MS4A8: variants seen among roughly 807,000 people sequenced by gnomAD.
MS4A8 encodes the protein membrane spanning 4-domains A8.
MS4A8 carries 27 observed loss-of-function variants against 23.7 expected under a neutral mutation model. The observed-to-expected ratio is 1.14, with a 90% CI of 0.84 to 1.57. The LOEUF is 1.57. Among genes scored for constraint, MS4A8 ranks in the 40% most tolerant of loss-of-function variants. MS4A8 has a pLI of 0.00. For missense variants in MS4A8, 301 were observed against 311.4 expected, an observed-to-expected ratio of 0.97 and a Z score of 0.25; for synonymous variants, 138 against 126.3, an observed-to-expected ratio of 1.09 and a Z score of -0.62.
chr11:60,703,154 A>G (rs770018743), intron 2 of MS4A8: 10 of 384,858 alleles, frequency 2.6e-5, no homozygotes, highest in Admixed American at 5.0e-5. Flanking sequence ...TGTGCTATCA[A>G]GGTATATATT....
intron 5 of MS4A8, among the ~76,000 whole-genome samples, chr11:60,713,201 C>T (rs146512059): frequency 1.0e-5 from 1 of 99,674 alleles, no homozygotes; most frequent in East Asian, 2.9e-4. Flanking sequence ...GGGTGGGTTG[C>T]CCCTTCACAC....
intron 3 of MS4A8, among the ~76,000 whole-genome samples, chr11:60,706,530 A>C (rs1590953570): frequency 6.6e-6 from 1 of 152,176 alleles, no homozygotes; most frequent in South Asian, 2.1e-4. Flanking sequence ...CCCAAACCTA[A>C]CTGAATCTTG....
intron 4 of MS4A8, among the ~76,000 whole-genome samples, chr11:60,707,964 G>A (rs1167213160): frequency 6.6e-6 from 1 of 151,374 alleles, no homozygotes; most frequent in Non-Finnish European, 1.5e-5. Flanking sequence ...CTAGTAGCTG[G>A]GATTACAGGT....
intron 2 of MS4A8, chr11:60,701,311 AC>A (rs2134652642): frequency 3.1e-6 from 2 of 646,456 alleles, no homozygotes; most frequent in East Asian, 3.1e-5. Context: ...AAGAAAAGCA[AC>A]AAAAAAGCAG....
intron 4 of MS4A8, among the ~76,000 whole-genome samples, chr11:60,707,519 A>G (rs1565052526): frequency 6.6e-6 from 1 of 152,200 alleles, no homozygotes; most frequent in East Asian, 1.9e-4. Context: ...GATAATCAAC[A>G]TGGACAAAGC....
At chr11:60,709,564 A>G (rs960582974) in intron 5 of MS4A8, among the ~76,000 whole-genome samples, 18 of 152,256 alleles carry the variant, frequency 1.2e-4, no homozygotes, top group African/African-American at 4.3e-4. Context: ...GCTATGGCAC[A>G]TCTCGATTTG....
rs780966264 is a variant in MS4A8 at position 60,707,018 on chromosome 11, G to A, written c.373G>A (p.Ala125Thr). The change falls in exon 4 of 7, where the codon GCA (alanine) becomes ACA (threonine). Residue 125 changes from alanine (A) to threonine (T), a missense_variant. Ala to Thr is a moderately conservative substitution (Grantham distance 58, BLOSUM62 0). Transcript: ENST00000300226. ...FIISGSLSVA[A>T]ENQPYSYCLL... ...CATTTCAGGATCTCTCTCCGTGGCAGCAGAAAATCAGCCATATTCTTATTG... is the reference window on the plus strand; with the variant it reads ...CATTTCAGGATCTCTCTCCGTGGCAACAGAAAATCAGCCATATTCTTATTG... The A allele has an allele frequency of 6.2e-7, 1 of 1,614,088 alleles. No homozygotes were observed. The highest frequency in any genetic ancestry group is 8.5e-7 in the Non-Finnish European group (1 of 1,179,980).
chr11:60,708,916 A>G lies in MS4A8; in HGVS notation c.534+135A>G, dbSNP rs2088279878. On this transcript the variant is annotated intron_variant, in intron 5 of 6. Coordinates refer to ENST00000300226, the MANE Select transcript of MS4A8 (RefSeq NM_031457.2). The stretch of plus-strand genomic sequence containing the variant: ...AGGAGGTGCTTTCAGCATAGGAACA[A>G]ATTTTAAAGTCCTTGACCCATAGCT... 5.6e-6 allele frequency: 6 copies of G among 1,076,394 alleles called. No homozygotes were observed. In the East Asian group the frequency reaches 1.5e-4, roughly 27 times the overall value. 66.7% of individuals were successfully genotyped at this position (1,076,394 alleles called of 1,614,324 possible).
At chr11:60,706,318 G>T (rs915946443) in intron 3 of MS4A8, among the ~76,000 whole-genome samples, 2 of 152,096 alleles carry the variant, frequency 1.3e-5, no homozygotes, top group Non-Finnish European at 2.9e-5. Context: ...CAGTGCCTGC[G>T]GAATACCATG....
chr11:60,701,306 A>G (rs1306507598), intron 2 of MS4A8: 1 of 653,346 alleles, frequency 1.5e-6, no homozygotes. Context: ...AGAGAAAGAA[A>G]AGCAACAAAA....
intron 2 of MS4A8, 131 bp from the exon 3 acceptor site, chr11:60,703,247 T>G: frequency 8.9e-7 from 1 of 1,129,058 alleles, no homozygotes; most frequent in Non-Finnish European, 1.2e-6. Context: ...AGTTTTTATT[T>G]CATTTTTGTA....
At chr11:60,707,924 G>A (rs2088270686) in intron 4 of MS4A8, among the ~76,000 whole-genome samples, 1 of 150,374 alleles carries the variant, frequency 6.7e-6, no homozygotes, top group Non-Finnish European at 1.5e-5. Context: ...CTGCCTCCTG[G>A]GTTCAAGCAA....
rs2088260685 is a variant in MS4A8 at position 60,706,977 on chromosome 11, T to G, written c.343-11T>G. On this transcript the variant is annotated splice_polypyrimidine_tract_variant and intron_variant, in intron 3 of 6. Transcript: ENST00000300226. Reference sequence around the variant, plus strand: ...CTGACCTCTTTCTAAACCCACTCTGTTCTGTACCAGTTTATCATTTCAGGA... The same window carrying G: ...CTGACCTCTTTCTAAACCCACTCTGGTCTGTACCAGTTTATCATTTCAGGA... 6.2e-7 allele frequency: 1 copy of G among 1,614,012 alleles called. No homozygotes were observed. Among genetic ancestry groups the G allele is most frequent in the Admixed American group, 1.7e-5 (1 of 60,024 alleles).
intron 1 of MS4A8, among the ~76,000 whole-genome samples, chr11:60,700,164 G>C (rs907449455): frequency 6.6e-6 from 1 of 152,192 alleles, no homozygotes; most frequent in Non-Finnish European, 1.5e-5. Flanking sequence ...CAGAAAATGA[G>C]AGAATTGAAC....
chr11:60,701,076 G>A lies in MS4A8; in HGVS notation c.216G>A (p.Leu72=). Residue 72 remains leucine, a synonymous_variant, in exon 2 of 7, where the codon TTG becomes TTA. Transcript: ENST00000300226. ...AAGCTCTGAAAGAAGGCAAAACCTT[G>A]GGGGTAAGTGAGATTTCCCTTTGCA... ...VQKALKEGKT[L]GAIQIIIGLA... 1 of 1,613,944 alleles carries A rather than the reference G, an allele frequency of 6.2e-7. No homozygotes were observed. Among genetic ancestry groups the A allele is most frequent in the Non-Finnish European group, 8.5e-7 (1 of 1,179,894 alleles).
At chr11:60,703,818 G>T (rs74237992) in intron 3 of MS4A8, among the ~76,000 whole-genome samples, 2,099 of 152,266 alleles carry the variant, frequency 0.014, 116 homozygotes, top group Admixed American at 0.1. Flanking sequence ...CTTGCAGAAG[G>T]TCGTCTTCTC....
rs75921526 is a variant in MS4A8 at position 60,712,513 on chromosome 11, G to A, written c.535-2508G>A. 10,048 of 910,610 alleles carry A rather than the reference G, an allele frequency of 0.011. 696 individuals carry two copies. The African/African-American group carries it at 0.16, about 15-fold the overall frequency. 56.4% of individuals were successfully genotyped at this position (910,610 alleles called of 1,614,324 possible). On this transcript the variant is annotated intron_variant, in intron 5 of 6. Transcript: ENST00000300226. ...AAAAATCATAATTGAGATAATTGAG[G>A]CCGGTCACGGTGGCTCACACCTGTA...
intron 3 of MS4A8, among the ~76,000 whole-genome samples, chr11:60,705,148 C>T (rs1461347772): frequency 2.6e-5 from 4 of 152,214 alleles, no homozygotes; most frequent in South Asian, 4.1e-4. Flanking sequence ...GCTCCTCTAG[C>T]GAGGCTCTGC....
chr11:60,715,723 C>G lies in MS4A8; in HGVS notation c.*309C>G, dbSNP rs1415834640. ...ATTCGTGTGCTCTGCTGCATGTGAG[C>G]TTGTGGGTTAGAGGAACAAATATCT... On this transcript the variant is annotated 3_prime_UTR_variant, in exon 7 of 7. Transcript: ENST00000300226. 3.6e-5 allele frequency: 13 copies of G among 356,672 alleles called. 1 individual carries two copies. The South Asian group carries it at 3.8e-4, about 10-fold the overall frequency. The allele number at this position is 356,672 out of a possible 1,614,324, so 22.1% of individuals were successfully genotyped here.
Sources: allele counts gnomAD v4.1 joint callset (sites outside exome capture counted in the v4.1 genomes callset), GRCh38; gene constraint gnomAD v4.1.1; transcripts MANE v1.5; gene names NCBI Gene and HGNC (gene_info 2026-07-23, HGNC 2026-07-21).